FGF12: variants seen among roughly 807,000 people sequenced by gnomAD.
FGF12 encodes fibroblast growth factor 12.
A neutral mutation model predicts 23.6 loss-of-function variants in FGF12; 14 were observed. The observed-to-expected ratio is 0.59, with a 90% CI of 0.39 to 0.93. FGF12 has a LOEUF of 0.93. Among genes scored for constraint, FGF12 ranks in the 40% least tolerant of loss-of-function variants. The pLI is 0.00. For synonymous variants in FGF12, 62 were observed against 77.3 expected (o/e 0.80, Z 1.04); for missense variants, 175 against 217.8 (o/e 0.80, Z 1.24).
intron 4 of FGF12, among the ~76,000 whole-genome samples, chr3:192,188,534 T>C (rs1716612879): frequency 6.6e-6 from 1 of 152,188 alleles, no homozygotes; most frequent in Non-Finnish European, 1.5e-5. Flanking sequence ...AAAACTGCAG[T>C]GGACAGTTGA....
chr3:192,458,966 T>C (rs369977544), intron 2 of FGF12, among the ~76,000 whole-genome samples: 7 of 152,188 alleles, frequency 4.6e-5, no homozygotes, highest in African/African-American at 1.7e-4. Flanking sequence ...CGAGATCTAA[T>C]GGGTTTATCA....
chr3:192,529,150 C>T (rs1478979007), intron 2 of FGF12, among the ~76,000 whole-genome samples: 1 of 152,146 alleles, frequency 6.6e-6, no homozygotes, highest in East Asian at 1.9e-4. Flanking sequence ...CTCTCTTTCA[C>T]TTATAAAACT....
chr3:192,364,750 C>T (rs1718893167), intron 2 of FGF12, among the ~76,000 whole-genome samples: 1 of 152,156 alleles, frequency 6.6e-6, no homozygotes. Context: ...ATTGAAATAC[C>T]TACCTTGGAC....
At chr3:192,607,579 G>A (rs73887642) in intron 2 of FGF12, among the ~76,000 whole-genome samples, 15,037 of 152,002 alleles carry the variant, frequency 0.099, 745 homozygotes, top group African/African-American at 0.1. Flanking sequence ...CATATAGCAC[G>A]CTTTCAAAAA....
intron 2 of FGF12, among the ~76,000 whole-genome samples, chr3:192,613,978 T>C (rs945070137): frequency 2.6e-5 from 4 of 151,866 alleles, no homozygotes; most frequent in African/African-American, 9.7e-5. Flanking sequence ...GGTTTCTTAT[T>C]GAATCAAAGT....
intron 2 of FGF12, among the ~76,000 whole-genome samples, chr3:192,639,222 C>T (rs898457531): frequency 3.3e-5 from 5 of 152,050 alleles, no homozygotes; most frequent in Non-Finnish European, 5.9e-5. Flanking sequence ...ATTAATAATC[C>T]GGGAAATGTA....
chr3:192,401,598 T>C (rs1054679760), intron 2 of FGF12, among the ~76,000 whole-genome samples: 11 of 152,226 alleles, frequency 7.2e-5, no homozygotes, highest in African/African-American at 2.7e-4. Flanking sequence ...TCTGCTTCCA[T>C]TGCTATCCAT....
At chr3:192,167,772 A>ATATATATATATATATT (rs1715302128) in intron 5 of FGF12, among the ~76,000 whole-genome samples, 2 of 15,402 alleles carry the variant, frequency 1.3e-4, no homozygotes, top group South Asian at 2.5e-3. Flanking sequence ...TATATATAAA[A>ATATATATATATATATT]TTTTTTTTTT....
At chr3:192,658,240 G>T (rs1408032664) in intron 2 of FGF12, among the ~76,000 whole-genome samples, 1 of 151,864 alleles carries the variant, frequency 6.6e-6, no homozygotes, top group Non-Finnish European at 1.5e-5. Context: ...CAAAATAGGT[G>T]GTAAACCGGA....
chr3:192,407,961 T>C, intron 2 of FGF12: 2 of 1,489,374 alleles, frequency 1.3e-6, no homozygotes, highest in Non-Finnish European at 1.8e-6. Flanking sequence ...GGTCCCGAGG[T>C]GCTTTGAGGA....
At chr3:192,674,044 C>A (rs2108698309) in intron 2 of FGF12, among the ~76,000 whole-genome samples, 1 of 151,208 alleles carries the variant, frequency 6.6e-6, no homozygotes, top group East Asian at 1.9e-4. Context: ...TATGACTAGA[C>A]TCTCTTATTG....
At chr3:192,364,378 A>T (rs1176788818) in intron 2 of FGF12, among the ~76,000 whole-genome samples, 1 of 150,534 alleles carries the variant, frequency 6.6e-6, no homozygotes, top group Non-Finnish European at 1.5e-5. Flanking sequence ...TGATGACTAT[A>T]TTATTAGATG....
At chr3:192,542,028 AT>A (rs35810428) in intron 2 of FGF12, among the ~76,000 whole-genome samples, 11,815 of 137,572 alleles carry the variant, frequency 0.086, 537 homozygotes, top group African/African-American at 0.15. Flanking sequence ...CATGCCTGGC[AT>A]TTTTTTTTTT....
intron 4 of FGF12, among the ~76,000 whole-genome samples, chr3:192,259,323 G>C (rs1712597534): frequency 2.0e-5 from 3 of 151,998 alleles, no homozygotes; most frequent in South Asian, 2.1e-4. Context: ...TTATTTTGGG[G>C]GTGATGAATA....
intron 4 of FGF12, among the ~76,000 whole-genome samples, chr3:192,314,341 T>C (rs1560065631): frequency 6.6e-6 from 1 of 152,076 alleles, no homozygotes; most frequent in Non-Finnish European, 1.5e-5. Context: ...TTTGTTTCTG[T>C]TTTTAACTTA....
Position 192,506,076 on chromosome 3 carries a change from G to A in FGF12, c.14-145538C>T, listed in dbSNP as rs1724285442. ...ACAGTTGGGCCCAGTGGGTCAAAAG[G>A]TGAAGCAGGGATAGGAAGGCACTCA... On this transcript the variant is annotated intron_variant, in intron 2 of 5. Coordinates refer to ENST00000445105, the MANE Select transcript of FGF12 (RefSeq NM_004113.6). 2.6e-5 allele frequency among the ~76,000 whole-genome samples: 4 copies of A among 152,226 alleles called. No individual in the cohort carries two copies. In the South Asian group the frequency reaches 8.3e-4, roughly 32 times the overall value.
At chr3:192,192,686 TTTTTACAAAGAAA>T (rs1716856448) in intron 4 of FGF12, among the ~76,000 whole-genome samples, 1 of 151,874 alleles carries the variant, frequency 6.6e-6, no homozygotes, top group African/African-American at 2.4e-5. Flanking sequence ...GAACATTTGA[TTTTTACAAAGAAA>T]TAGGTCCTGA....
intron 4 of FGF12, among the ~76,000 whole-genome samples, chr3:192,278,545 A>C (rs1304318367): frequency 6.6e-6 from 1 of 152,234 alleles, no homozygotes; most frequent in African/African-American, 2.4e-5. Flanking sequence ...GAGGAGAATG[A>C]GTGTATAATA....
intron 2 of FGF12, among the ~76,000 whole-genome samples, chr3:192,544,816 T>C (rs964019694): frequency 6.6e-6 from 1 of 152,222 alleles, no homozygotes; most frequent in Non-Finnish European, 1.5e-5. Flanking sequence ...TTGTATAAGC[T>C]TGGGCACAGA....
Sources: allele counts gnomAD v4.1 joint callset (sites outside exome capture counted in the v4.1 genomes callset), GRCh38; gene constraint gnomAD v4.1.1; transcripts MANE v1.5; gene names NCBI Gene and HGNC (gene_info 2026-07-23, HGNC 2026-07-21).